COL1A2: variants seen among roughly 807,000 people sequenced by gnomAD.
COL1A2 encodes the protein collagen type I alpha 2 chain.
COL1A2 carries 49 observed loss-of-function variants against 174.3 expected under a neutral mutation model. That is an observed-to-expected ratio of 0.28 (90% CI 0.22 to 0.36). The LOEUF (loss-of-function observed/expected upper bound fraction) is 0.36, where lower values mean the gene tolerates loss of function less well. Ranked by LOEUF, COL1A2 falls within the 10% of genes least tolerant of loss-of-function variation. COL1A2 has a pLI of 1.00. For synonymous variants in COL1A2, 655 were observed against 606.6 expected (o/e 1.08, Z -1.17); for missense variants, 1,438 against 1,822.7 (o/e 0.79, Z 3.84).
chr7:94,404,688 T>C lies in COL1A2; in HGVS notation c.325-5T>C, dbSNP rs1266171018. 1 of 1,614,070 alleles carries C rather than the reference T, an allele frequency of 6.2e-7. No homozygotes were observed. The highest frequency in any genetic ancestry group is 1.3e-5 in the African/African-American group (1 of 74,920). On this transcript the variant is annotated splice_polypyrimidine_tract_variant and splice_region_variant and intron_variant, in intron 7 of 51. Coordinates refer to ENST00000297268, the MANE Select transcript of COL1A2 (RefSeq NM_000089.4). ...TTGGAGTATGACATTCTTTTTTTCT[T>C]TTAGGGCCCTCAAGGTTTCCAAGGA...
chr7:94,410,547 AAC>A lies in COL1A2; in HGVS notation c.1197+23_1197+24del, dbSNP rs759500969. 7.9e-6 allele frequency: 12 copies of A among 1,518,848 alleles called. 2 individuals carry two copies. The South Asian group carries it at 1.4e-4, about 18-fold the overall frequency. The allele number at this position is 1,518,848 out of a possible 1,614,324, so 94.1% of individuals were successfully genotyped here. A position where few individuals can be genotyped will look rare whatever the true frequency, so the allele number is the denominator to read the frequency against. On this transcript the variant is annotated intron_variant, in intron 21 of 51. Transcript: ENST00000297268. ...CTGAGAGTAGGTTTCAAATGCTCCCAACACCCTAACACACCAGAGGCAGATTA... is the reference window on the plus strand; with the variant it reads ...CTGAGAGTAGGTTTCAAATGCTCCCAACCCTAACACACCAGAGGCAGATTA...
At chr7:94,415,998 T>G (rs1181984981) in intron 30 of COL1A2, among the ~76,000 whole-genome samples, 2 of 152,130 alleles carry the variant, frequency 1.3e-5, no homozygotes, top group Admixed American at 6.6e-5. Context: ...GGGGCATAGA[T>G]AGGAGAATAT....
In COL1A2 at chr7:94,427,741, C is replaced by T. The variant is rs764382391; in HGVS notation, c.3382C>T (p.Leu1128Phe). ...TGACCAGCCTCGCTCAGCACCTTCT[C>T]TCAGACCCAAGGACTATGAAGTTGA... ...RADQPRSAPS[L>F]RPKDYEVDAT... is the part of the protein sequence containing the mutation. The change falls in exon 49 of 52, where the codon CTC (leucine) becomes TTC (phenylalanine). Residue 1128 changes from leucine (L) to phenylalanine (F), a missense_variant. Coordinates refer to ENST00000297268, the MANE Select transcript of COL1A2 (RefSeq NM_000089.4). The T allele has an allele frequency of 6.2e-7, 1 of 1,614,162 alleles. No individual in the cohort carries two copies. Among genetic ancestry groups the T allele is most frequent in the Non-Finnish European group, 8.5e-7 (1 of 1,180,034 alleles).
Position 94,394,920 on chromosome 7 carries a change from G to T in COL1A2, c.-112G>T, listed in dbSNP as rs1791551202. 5.9e-6 allele frequency: 5 copies of T among 841,620 alleles called. No homozygotes were observed. Among genetic ancestry groups the T allele is most frequent in the Non-Finnish European group, 1.0e-5 (5 of 481,270 alleles). 52.1% of individuals were successfully genotyped at this position (841,620 alleles called of 1,614,324 possible). On this transcript the variant is annotated 5_prime_UTR_variant, in exon 1 of 52. Coordinates refer to ENST00000297268, the MANE Select transcript of COL1A2 (RefSeq NM_000089.4). ...AGCACCACGGCAGCAGGAGGTTTCG[G>T]CTAAGTTGGAGGTACTGGCCACGAC...
At position 94,426,527 on chromosome 7, in the gene COL1A2, C is replaced by T. The variant is rs768455635; in HGVS notation, c.3102C>T (p.Ile1034=). Residue 1034 remains isoleucine (I), a synonymous_variant, in exon 46 of 52, where the codon ATC becomes ATT. Coordinates refer to ENST00000297268, the MANE Select transcript of COL1A2 (RefSeq NM_000089.4). ...ATGGATTGCAAGGTCTGCCTGGTAT[C>T]GCTGTAAGTAAACTGTAGCCATCTC... ...GHNGLQGLPG[I]AGHHGDQGAP... is the part of the protein sequence containing the mutation. 57 of 1,596,638 alleles carry T rather than the reference C, an allele frequency of 3.6e-5. No individual in the cohort carries two copies. Among genetic ancestry groups the T allele is most frequent in the Non-Finnish European group, 3.8e-5 (45 of 1,171,364 alleles).
chr7:94,399,132 C>G (rs780433653), intron 4 of COL1A2, 48 bp downstream of exon 4: 1 of 1,557,890 alleles, frequency 6.4e-7, no homozygotes, highest in South Asian at 1.1e-5. Context: ...ATTTGAATAA[C>G]TATATGTTAG....
At chr7:94,395,194 C>A in intron 1 of COL1A2, 93 bp downstream of exon 1, 1 of 1,017,526 alleles carries the variant, frequency 9.8e-7, no homozygotes, top group Non-Finnish European at 1.6e-6. Flanking sequence ...AACCTGAATT[C>A]CAGGTACACT....
chr7:94,404,810 G>A, intron 8 of COL1A2, 29 bp from the exon 9 acceptor site: 1 of 1,614,098 alleles, frequency 6.2e-7, no homozygotes, highest in Non-Finnish European at 8.5e-7. Flanking sequence ...TATAACCTTA[G>A]TGAAATGATG....
intron 13 of COL1A2, 72 bp downstream of exon 13, chr7:94,407,963 T>C: frequency 1.4e-6 from 2 of 1,424,928 alleles, no homozygotes; most frequent in East Asian, 2.3e-5. Flanking sequence ...TTTAATGTTT[T>C]TGCTAATCAC....
chr7:94,413,996 G>A, intron 28 of COL1A2, 49 bp downstream of exon 28: 1 of 1,532,384 alleles, frequency 6.5e-7, no homozygotes. Flanking sequence ...AGCCTATTGA[G>A]CTGTAAATCA....
At chr7:94,419,053 G>T (rs1050966247) in intron 33 of COL1A2, among the ~76,000 whole-genome samples, 1 of 146,990 alleles carries the variant, frequency 6.8e-6, no homozygotes. Context: ...ACCTTATCTC[G>T]TATGTCAGCC....
At chr7:94,399,159 C>T (rs1791639400) in intron 4 of COL1A2, 75 bp downstream of exon 4, 1 of 1,353,400 alleles carries the variant, frequency 7.4e-7, no homozygotes, top group Non-Finnish European at 1.1e-6. Context: ...CAGGAACTGG[C>T]AATTTATAAG....
At chr7:94,407,061 G>C (rs1005077249) in intron 12 of COL1A2, among the ~76,000 whole-genome samples, 4 of 152,082 alleles carry the variant, frequency 2.6e-5, no homozygotes, top group African/African-American at 7.2e-5. Context: ...AAATGTTAGA[G>C]CTGCAAGGAG....
chr7:94,429,589 TA>T (rs1792358877), intron 51 of COL1A2, 159 bp downstream of exon 51: 7 of 665,188 alleles, frequency 1.1e-5, no homozygotes, highest in Middle Eastern at 4.1e-4. Context: ...GTATGTATTT[TA>T]TATTTATTTA....
chr7:94,399,890 A>G (rs113376320), intron 4 of COL1A2, among the ~76,000 whole-genome samples: 2 of 152,194 alleles, frequency 1.3e-5, no homozygotes, highest in African/African-American at 4.8e-5. Context: ...TGTTAAACAT[A>G]TGAAGCACGT....
chr7:94,411,710 A>G (rs1037618810), intron 23 of COL1A2, among the ~76,000 whole-genome samples: 12 of 152,352 alleles, frequency 7.9e-5, no homozygotes, highest in Middle Eastern at 3.4e-3. Context: ...GGGACACCAA[A>G]TATAGCAATA....
intron 38 of COL1A2, 135 bp from the exon 39 acceptor site, chr7:94,421,764 T>A (rs1277988267): frequency 1.5e-6 from 1 of 655,972 alleles, no homozygotes; most frequent in Non-Finnish European, 2.7e-6. Flanking sequence ...ATGCCCTATA[T>A]GAAGCTGCCT....
intron 23 of COL1A2, 54 bp downstream of exon 23, chr7:94,411,208 A>G (rs574679604): frequency 1.1e-5 from 15 of 1,336,816 alleles, no homozygotes; most frequent in Non-Finnish European, 1.6e-5. Context: ...TTCCTTCTTT[A>G]AAGGGTTGGT....
chr7:94,419,914 G>A (rs1169483832), intron 34 of COL1A2, among the ~76,000 whole-genome samples: 1 of 152,072 alleles, frequency 6.6e-6, no homozygotes, highest in African/African-American at 2.4e-5. Flanking sequence ...ACTTAAAATA[G>A]ATCTTATTTA....
Sources: allele counts gnomAD v4.1 joint callset (sites outside exome capture counted in the v4.1 genomes callset), GRCh38; gene constraint gnomAD v4.1.1; transcripts MANE v1.5; gene names NCBI Gene and HGNC (gene_info 2026-07-23, HGNC 2026-07-21).